GABRA3: variants seen among roughly 807,000 people sequenced by gnomAD.
The protein encoded by GABRA3 is gamma-aminobutyric acid receptor subunit alpha-3.
GABRA3 carries 10 observed loss-of-function variants against 30.1 expected under a neutral mutation model. The ratio of observed to expected loss-of-function variants is 0.33; its 90% confidence interval spans 0.20 to 0.56. GABRA3 has a LOEUF of 0.56. GABRA3 is among the 20% of genes least tolerant of loss of function. The pLI is 0.89. For synonymous variants in GABRA3, 151 were observed against 146.8 expected (o/e 1.03, Z -0.21); for missense variants, 233 against 392.0 (o/e 0.59, Z 3.42).
chrX:152,262,059 G>A (rs1332618023), intron 4 of GABRA3, among the ~76,000 whole-genome samples: 4 of 112,364 alleles, frequency 3.6e-5, no homozygotes, highest in Non-Finnish European at 3.8e-5. Flanking sequence ...GGCTTGCACC[G>A]TCTGAAGCCA....
At position 152,356,300 on chromosome X, in the gene GABRA3, G is replaced by A. The variant is rs1379144219; in HGVS notation, c.140+8131C>T. On this transcript the variant is annotated intron_variant, in intron 2 of 9. Coordinates refer to ENST00000370314, the MANE Select transcript of GABRA3 (RefSeq NM_000808.4). Reference sequence around the variant, plus strand: ...ACATGAGTTATACAAAGTACTGGTCGATAAACCACTGTTGATTGTTAAAAT... The same window carrying A: ...ACATGAGTTATACAAAGTACTGGTCAATAAACCACTGTTGATTGTTAAAAT... 6.2e-5 allele frequency among the ~76,000 whole-genome samples: 7 copies of A among 112,085 alleles called. No individual in the cohort carries two copies. In the East Asian group the frequency reaches 1.1e-3, roughly 18 times the overall value.
intron 3 of GABRA3, among the ~76,000 whole-genome samples, chrX:152,305,420 TAA>T (rs758711281): frequency 5.2e-5 from 5 of 96,660 alleles, no homozygotes; most frequent in African/African-American, 7.5e-5. Context: ...ATCTAAAATG[TAA>T]AAAAAAAAAA....
chrX:152,386,267 G>A (rs1280250742), intron 1 of GABRA3, among the ~76,000 whole-genome samples: 4 of 108,796 alleles, frequency 3.7e-5, no homozygotes, highest in Non-Finnish European at 5.7e-5. Flanking sequence ...CTTTTATTTC[G>A]TTGAGCAGTG....
chrX:152,352,060 A>G (rs1343240327), intron 2 of GABRA3, among the ~76,000 whole-genome samples: 2 of 111,577 alleles, frequency 1.8e-5, no homozygotes, highest in Non-Finnish European at 3.8e-5. Context: ...ACAGATCACC[A>G]TAACAGATAT....
chrX:152,185,993 C>T (rs1203200848), intron 9 of GABRA3, among the ~76,000 whole-genome samples: 2 of 111,078 alleles, frequency 1.8e-5, no homozygotes, highest in East Asian at 2.8e-4. Context: ...TTTAGAAATC[C>T]TCTTTGATTC....
chrX:152,390,101 G>A (rs1449718742), intron 1 of GABRA3, among the ~76,000 whole-genome samples: 5 of 111,635 alleles, frequency 4.5e-5, no homozygotes, highest in African/African-American at 1.3e-4. Context: ...AAACATTCCT[G>A]GTGTTTGAAC....
At chrX:152,194,020 G>A (rs1258061144) in intron 8 of GABRA3, among the ~76,000 whole-genome samples, 1 of 111,798 alleles carries the variant, frequency 8.9e-6, no homozygotes. Flanking sequence ...AATAAATAAC[G>A]TTAATTGATA....
chrX:152,445,088 T>A (rs199506767), intron 1 of GABRA3, among the ~76,000 whole-genome samples: 375 of 72,753 alleles, frequency 5.2e-3, no homozygotes, highest in East Asian at 0.026. Context: ...AAAAAAAAAA[T>A]ACTTGTGTTT....
chrX:152,206,103 C>G (rs1937537392), intron 7 of GABRA3, among the ~76,000 whole-genome samples: 1 of 112,715 alleles, frequency 8.9e-6, no homozygotes, highest in Non-Finnish European at 1.9e-5. Context: ...GCCAGGTGGG[C>G]AGTGCCCAGG....
chrX:152,335,027 G>A (rs909728393), intron 3 of GABRA3, among the ~76,000 whole-genome samples: 2 of 111,603 alleles, frequency 1.8e-5, no homozygotes, highest in African/African-American at 6.5e-5. Context: ...TAAATTCTAA[G>A]CAACTTTGGC....
intron 5 of GABRA3, among the ~76,000 whole-genome samples, chrX:152,246,775 A>G (rs1938467556): frequency 9.0e-6 from 1 of 111,330 alleles, no homozygotes; most frequent in South Asian, 3.8e-4. Context: ...AGTGAGATTC[A>G]CTAAGTGTGG....
chrX:152,233,454 C>G (rs1172296726), intron 5 of GABRA3, among the ~76,000 whole-genome samples: 1 of 109,589 alleles, frequency 9.1e-6, no homozygotes, highest in Non-Finnish European at 1.9e-5. Context: ...AAATGCTCAT[C>G]ATCACTGGCC....
chrX:152,227,438 C>A (rs1212081664), intron 5 of GABRA3, among the ~76,000 whole-genome samples: 3 of 102,509 alleles, frequency 2.9e-5, no homozygotes, highest in Non-Finnish European at 3.9e-5. Context: ...TGCTAGATGA[C>A]GAGTTAATGG....
chrX:152,231,154 T>TATAC (rs1938062202), intron 5 of GABRA3, among the ~76,000 whole-genome samples: 1 of 97,985 alleles, frequency 1.0e-5, no homozygotes, highest in African/African-American at 4.7e-5. Flanking sequence ...TATATATATA[T>TATAC]ACACACATAT....
intron 1 of GABRA3, among the ~76,000 whole-genome samples, chrX:152,370,432 C>T (rs1448933245): frequency 8.9e-6 from 1 of 111,792 alleles, no homozygotes; most frequent in Non-Finnish European, 1.9e-5. Context: ...TCATCTAATT[C>T]CACCTAGCCT....
chrX:152,386,514 G>C (rs1170098291), intron 1 of GABRA3, among the ~76,000 whole-genome samples: 1 of 110,249 alleles, frequency 9.1e-6, no homozygotes, highest in Non-Finnish European at 1.9e-5. Context: ...TTCAAAAGAA[G>C]ACATTTATGC....
At chrX:152,261,725 T>A (rs1359116611) in intron 4 of GABRA3, among the ~76,000 whole-genome samples, 2 of 111,420 alleles carry the variant, frequency 1.8e-5, no homozygotes, top group Non-Finnish European at 3.8e-5. Flanking sequence ...TGGAGTTGAG[T>A]GTCTGTGGCT....
chrX:152,236,336 A>G (rs1315583759), intron 5 of GABRA3, among the ~76,000 whole-genome samples: 2 of 103,516 alleles, frequency 1.9e-5, no homozygotes, highest in African/African-American at 7.1e-5. Context: ...ATCCTTTTTT[A>G]TGGCTGCATA....
chrX:152,407,740 C>T (rs921161293), intron 1 of GABRA3, among the ~76,000 whole-genome samples: 2 of 111,566 alleles, frequency 1.8e-5, no homozygotes, highest in African/African-American at 6.5e-5. Flanking sequence ...CAGTATTACA[C>T]CAATACCAAA....
Sources: allele counts gnomAD v4.1 joint callset (sites outside exome capture counted in the v4.1 genomes callset), GRCh38; gene constraint gnomAD v4.1.1; transcripts MANE v1.5; gene names NCBI Gene and HGNC (gene_info 2026-07-23, HGNC 2026-07-21).